BICRAL: variants seen among roughly 807,000 people sequenced by gnomAD.
The protein encoded by BICRAL is BICRA like chromatin remodeling complex associated protein, also known as BRD4-interacting chromatin-remodeling complex-associated protein-like.
In BICRAL, 8 loss-of-function variants were observed where a neutral mutation model predicts 91.8. The ratio of observed to expected loss-of-function variants is 0.09; its 90% CI spans 0.05 to 0.16. The LOEUF (loss-of-function observed/expected upper bound fraction) is 0.16, where lower values mean the gene tolerates loss of function less well. Among genes scored for constraint, BICRAL ranks in the 10% least tolerant of loss-of-function variants. The pLI is 1.00. For missense variants in BICRAL, 1,038 were observed against 1,310.9 expected, an observed-to-expected ratio of 0.79 and a Z score of 3.21; for synonymous variants, 445 against 491.1, an observed-to-expected ratio of 0.91 and a Z score of 1.24.
chr6:42,818,755 A>T (rs902922117), intron 2 of BICRAL, among the ~76,000 whole-genome samples: 1 of 152,124 alleles, frequency 6.6e-6, no homozygotes, highest in African/African-American at 2.4e-5. Context: ...TTTGTGTAAG[A>T]TATGAGGTGT....
rs76491175 is a variant in BICRAL at position 42,792,663 on chromosome 6, C to G, written c.-102+10562C>G. 4.6e-5 allele frequency among the ~76,000 whole-genome samples: 7 copies of G among 152,090 alleles called. No homozygotes were observed. The South Asian group carries it at 8.3e-4, about 18-fold the overall frequency. ...GTGTGGTGGCTTATGCTTGTAATCC[C>G]GCACTTTGGGAGGCCGAAGTAGGTG... On this transcript the variant is annotated intron_variant, in intron 1 of 12. Transcript: ENST00000314073.
chr6:42,784,331 A>G (rs1763038919), intron 1 of BICRAL, among the ~76,000 whole-genome samples: 1 of 152,182 alleles, frequency 6.6e-6, no homozygotes, highest in African/African-American at 2.4e-5. Context: ...TTACATTATT[A>G]TTGAAAAGAG....
intron 6 of BICRAL, among the ~76,000 whole-genome samples, chr6:42,831,919 T>C (rs1764493230): frequency 6.6e-6 from 1 of 151,788 alleles, no homozygotes; most frequent in African/African-American, 2.4e-5. Context: ...TTGTATTTTT[T>C]TGATAGGCAG....
chr6:42,825,017 T>C (rs939033382), intron 5 of BICRAL, among the ~76,000 whole-genome samples: 1 of 152,084 alleles, frequency 6.6e-6, no homozygotes. Flanking sequence ...TCCCAACACT[T>C]TGGGAGGCCG....
chr6:42,828,968 A>C lies in BICRAL; in HGVS notation c.635A>C (p.Gln212Pro). Reference sequence around the variant, plus strand: ...AGCAGTCAGATTAGTGGTTCTGGTCAAATACAGTTAATTGGGTCATTTGGT... The same window carrying C: ...AGCAGTCAGATTAGTGGTTCTGGTCCAATACAGTTAATTGGGTCATTTGGT... ...SNSSQISGSG[Q>P]IQLIGSFGNH... The change falls in exon 6 of 13, where the codon CAA (glutamine) becomes CCA (proline). Residue 212 changes from glutamine (Q) to proline (P), a missense_variant. Gln to Pro is a moderately conservative substitution (Grantham distance 76). Coordinates refer to ENST00000314073, the MANE Select transcript of BICRAL (RefSeq NM_001393499.1). 1 of 1,614,178 alleles carries C rather than the reference A, an allele frequency of 6.2e-7. No homozygotes were observed. Among genetic ancestry groups the C allele is most frequent in the Non-Finnish European group, 8.5e-7 (1 of 1,180,002 alleles).
chr6:42,862,720 C>T (rs1178550868), intron 12 of BICRAL, 108 bp downstream of exon 12: 7 of 733,538 alleles, frequency 9.5e-6, no homozygotes, highest in Admixed American at 4.1e-5. Context: ...GAAGGTAGAA[C>T]GTGAATTCTG....
chr6:42,761,456 AATT>A (rs1183807393), intron 1 of BICRAL, among the ~76,000 whole-genome samples: 2 of 151,838 alleles, frequency 1.3e-5, no homozygotes, highest in African/African-American at 4.9e-5. Flanking sequence ...TAAATAAATT[AATT>A]AATTAATTCT....
chr6:42,768,987 C>T (rs1487088178), intron 1 of BICRAL, among the ~76,000 whole-genome samples: 1 of 152,206 alleles, frequency 6.6e-6, no homozygotes, highest in Non-Finnish European at 1.5e-5. Context: ...ATATTTTAAA[C>T]GTTTCTGGAC....
intron 1 of BICRAL, among the ~76,000 whole-genome samples, chr6:42,789,072 G>C (rs1763191290): frequency 6.6e-6 from 1 of 152,154 alleles, no homozygotes; most frequent in African/African-American, 2.4e-5. Context: ...TGTTAGCTGA[G>C]TAGGAAAGCA....
At chr6:42,750,598 C>T (rs1185003476) in intron 1 of BICRAL, among the ~76,000 whole-genome samples, 1 of 152,100 alleles carries the variant, frequency 6.6e-6, no homozygotes, top group South Asian at 2.1e-4. Flanking sequence ...TTTCTCAAGA[C>T]GACGTCTTGC....
chr6:42,776,164 G>A (rs1360938578), intron 1 of BICRAL, among the ~76,000 whole-genome samples: 1 of 151,942 alleles, frequency 6.6e-6, no homozygotes, highest in African/African-American at 2.4e-5. Flanking sequence ...TGGGATTACA[G>A]GCACCCGCCA....
intron 10 of BICRAL, 45 bp from the exon 11 acceptor site, chr6:42,860,217 T>C (rs2114040624): frequency 9.4e-7 from 1 of 1,068,462 alleles, no homozygotes; most frequent in South Asian, 1.3e-5. Context: ...ACCTAGTCAG[T>C]GATTTACAGT....
intron 2 of BICRAL, among the ~76,000 whole-genome samples, chr6:42,814,497 G>GTGTGTGTGTGTGTATATATA (rs1554278817): frequency 9.8e-5 from 7 of 71,728 alleles, no homozygotes; most frequent in African/African-American, 4.9e-4. Context: ...GTGTGTGTGT[G>GTGTGTGTGTGTGTATATATA]TGTATATATA....
intron 6 of BICRAL, among the ~76,000 whole-genome samples, chr6:42,836,951 C>CTTT: frequency 8.0e-6 from 1 of 124,242 alleles, no homozygotes; most frequent in African/African-American, 3.0e-5. Context: ...TATTTCTTTT[C>CTTT]TTTTTTTTTT....
chr6:42,864,521 G>A lies in BICRAL; in HGVS notation c.2453-138G>A, dbSNP rs147601344. 360 of 687,794 alleles carry A rather than the reference G, an allele frequency of 5.2e-4. No individual in the cohort carries two copies. The African/African-American group carries it at 5.6e-3, about 11-fold the overall frequency. The allele number at this position is 687,794 out of a possible 1,614,324, so 42.6% of individuals were successfully genotyped here. On this transcript the variant is annotated intron_variant, in intron 12 of 12. Transcript: ENST00000314073. Reference sequence around the variant, plus strand: ...CTCTCAGGATCAGGGTCCTGCTTCTGCATGTTCCTGTATGTGAAGCAGATG... The same window carrying A: ...CTCTCAGGATCAGGGTCCTGCTTCTACATGTTCCTGTATGTGAAGCAGATG...
Position 42,785,041 on chromosome 6 carries a change from GT to G in BICRAL, c.-102+2946del, listed in dbSNP as rs567975933. ...GTCCATGTAATTTTGAGTTTCAGTAGTTTTTTGCTCACATTAGTCTCATTTT... is the reference window on the plus strand; with the variant it reads ...GTCCATGTAATTTTGAGTTTCAGTAGTTTTTGCTCACATTAGTCTCATTTT... On this transcript the variant is annotated intron_variant, in intron 1 of 12. Coordinates refer to ENST00000314073, the MANE Select transcript of BICRAL (RefSeq NM_001393499.1). 1.1e-4 allele frequency among the ~76,000 whole-genome samples: 16 copies of G among 152,234 alleles called. No individual in the cohort carries two copies. In the East Asian group the frequency reaches 2.1e-3, roughly 20 times the overall value.
chr6:42,773,478 A>T (rs1205214706), intron 1 of BICRAL, among the ~76,000 whole-genome samples: 1 of 151,840 alleles, frequency 6.6e-6, no homozygotes, highest in African/African-American at 2.4e-5. Flanking sequence ...TAGGCCTCCT[A>T]AAGTACTGGG....
intron 1 of BICRAL, among the ~76,000 whole-genome samples, chr6:42,772,534 G>A (rs1311815687): frequency 1.3e-5 from 2 of 152,196 alleles, no homozygotes; most frequent in Non-Finnish European, 2.9e-5. Flanking sequence ...ATGTGCCTGG[G>A]GAGGCAGGTG....
intron 2 of BICRAL, among the ~76,000 whole-genome samples, chr6:42,811,748 G>A (rs577154408): frequency 1.3e-5 from 2 of 152,170 alleles, no homozygotes; most frequent in South Asian, 4.1e-4. Context: ...GATAACTGAT[G>A]TGTTTAAGAA....
Sources: allele counts gnomAD v4.1 joint callset (sites outside exome capture counted in the v4.1 genomes callset), GRCh38; gene constraint gnomAD v4.1.1; transcripts MANE v1.5; gene names NCBI Gene and HGNC (gene_info 2026-07-23, HGNC 2026-07-21).